Variants in TMEM132B observed in about 807,000 individuals in gnomAD.
TMEM132B encodes transmembrane protein 132B.
In TMEM132B, 18 loss-of-function variants were observed where a neutral mutation model predicts 90.8. That is an observed-to-expected ratio of 0.20 (90% CI 0.14 to 0.29). The LOEUF is 0.29. Among genes scored for constraint, TMEM132B ranks in the 10% least tolerant of loss-of-function variants. The pLI is 1.00. For synonymous variants in TMEM132B, 504 were observed against 523.3 expected, an observed-to-expected ratio of 0.96 and a Z score of 0.50; for missense variants, 1,096 against 1,326.8, an observed-to-expected ratio of 0.83 and a Z score of 2.70.
At chr12:125,468,416 G>C (rs942460866) in intron 3 of TMEM132B, among the ~76,000 whole-genome samples, 3 of 152,228 alleles carry the variant, frequency 2.0e-5, no homozygotes, top group Non-Finnish European at 4.4e-5. Context: ...TTGACGTGTG[G>C]TAATGGTAAG....
intron 3 of TMEM132B, among the ~76,000 whole-genome samples, chr12:125,439,493 T>G (rs10744207): frequency 0.55 from 83,498 of 152,032 alleles, 24,443 homozygotes; most frequent in African/African-American, 0.77. Context: ...ATGTAGGAAT[T>G]CTTGTGATTT....
chr12:125,264,783 T>C (rs1266844011), intron 1 of TMEM132B, among the ~76,000 whole-genome samples: 3 of 152,242 alleles, frequency 2.0e-5, no homozygotes, highest in Non-Finnish European at 4.4e-5. Flanking sequence ...GATTATAAAG[T>C]CCATCTGCAT....
At chr12:125,323,672 T>C (rs1028124675) in intron 1 of TMEM132B, among the ~76,000 whole-genome samples, 1 of 152,090 alleles carries the variant, frequency 6.6e-6, no homozygotes, top group African/African-American at 2.4e-5. Context: ...GTGCACACCA[T>C]GATGCCTGGC....
At chr12:125,325,719 GTC>G (rs1228859504) in intron 1 of TMEM132B, among the ~76,000 whole-genome samples, 13 of 138,646 alleles carry the variant, frequency 9.4e-5, no homozygotes, top group East Asian at 2.1e-4. Context: ...GTGTGTGTGT[GTC>G]TGTTTCTAAG....
rs1169667824 is a variant in TMEM132B, at chr12:125,312,712, TC to T, written c.68-36738del. Among the ~76,000 whole-genome samples the T allele has an allele frequency of 3.9e-5, 6 of 152,312 alleles. No homozygotes were observed. The East Asian group carries it at 7.7e-4, about 20-fold the overall frequency. ...AAAATGTACTCACCGTGAGAGCTGT[TC>T]CTACAGGTTTCACCTTGCAGAAATC... On this transcript the variant is annotated intron_variant, in intron 1 of 8. Transcript: ENST00000682704.
intron 4 of TMEM132B, among the ~76,000 whole-genome samples, chr12:125,555,009 G>T (rs958340588): frequency 2.2e-4 from 34 of 152,238 alleles, no homozygotes; most frequent in African/African-American, 7.7e-4. Flanking sequence ...AATAATGGAC[G>T]CACGACAACC....
At chr12:125,262,173 C>G (rs1874582436) in intron 1 of TMEM132B, among the ~76,000 whole-genome samples, 2 of 147,966 alleles carry the variant, frequency 1.4e-5, no homozygotes, top group South Asian at 4.2e-4. Flanking sequence ...CTTTGGGAAG[C>G]TGAGGCAGAA....
chr12:125,352,952 C>T (rs1393749765), intron 2 of TMEM132B, among the ~76,000 whole-genome samples: 1 of 152,204 alleles, frequency 6.6e-6, no homozygotes, highest in East Asian at 1.9e-4. Context: ...GGACTGAGCC[C>T]TGTGCTAGTC....
At chr12:125,430,832 A>G (rs1015594294) in intron 3 of TMEM132B, among the ~76,000 whole-genome samples, 5 of 152,198 alleles carry the variant, frequency 3.3e-5, no homozygotes, top group Non-Finnish European at 7.3e-5. Context: ...CTAACAAGAA[A>G]AATAAGGCAG....
chr12:125,374,589 G>T (rs377450114), intron 2 of TMEM132B, among the ~76,000 whole-genome samples: 48 of 152,186 alleles, frequency 3.2e-4, no homozygotes, highest in African/African-American at 1.1e-3. Flanking sequence ...TTTCAGCCAA[G>T]TCTTCCTAAT....
intron 1 of TMEM132B, among the ~76,000 whole-genome samples, chr12:125,274,895 C>G (rs531496568): frequency 6.6e-6 from 1 of 152,016 alleles, no homozygotes; most frequent in Admixed American, 6.6e-5. Context: ...TGCATTCCAG[C>G]CTGGGTGATG....
intron 8 of TMEM132B, 61 bp downstream of exon 8, chr12:125,652,693 A>C: frequency 1.3e-6 from 2 of 1,537,044 alleles, no homozygotes; most frequent in East Asian, 4.6e-5. Context: ...CTCAGTTAGC[A>C]CATCCTGCGA....
At chr12:125,306,065 G>A (rs1875951375) in intron 1 of TMEM132B, among the ~76,000 whole-genome samples, 3 of 152,216 alleles carry the variant, frequency 2.0e-5, no homozygotes, top group African/African-American at 7.2e-5. Context: ...AGGGGGCCAG[G>A]CAGGTAAGGT....
intron 3 of TMEM132B, among the ~76,000 whole-genome samples, chr12:125,437,578 A>G (rs1455684205): frequency 1.3e-5 from 2 of 151,188 alleles, no homozygotes; most frequent in Non-Finnish European, 3.0e-5. Context: ...CCATTTCTCC[A>G]CATGCTCATA....
In TMEM132B at chr12:125,415,699, G is replaced by C; in HGVS notation, c.1106+22G>C. On this transcript the variant is annotated intron_variant, in intron 3 of 8. Transcript: ENST00000682704. This position sits in a 1 kb window ranked among gnomAD's most constrained non-coding sequence, Gnocchi z 5.3. The stretch of plus-strand genomic sequence containing the variant: ...GCAGGTAAGCATGGAGATCCCCAAG[G>C]CACCTCCGCAGTGGGGAGGAGGGGA... 6.2e-7 allele frequency: 1 copy of C among 1,613,208 alleles called. No individual in the cohort carries two copies. Among genetic ancestry groups the C allele is most frequent in the Non-Finnish European group, 8.5e-7 (1 of 1,179,510 alleles).
intron 1 of TMEM132B, among the ~76,000 whole-genome samples, chr12:125,294,319 T>C (rs530356998): frequency 6.6e-6 from 1 of 152,348 alleles, no homozygotes; most frequent in South Asian, 2.1e-4. Context: ...ATTGGTTAGA[T>C]GCAACAAGCC....
intron 2 of TMEM132B, among the ~76,000 whole-genome samples, chr12:125,386,431 T>C (rs1212599019): frequency 6.6e-6 from 1 of 152,236 alleles, no homozygotes; most frequent in Non-Finnish European, 1.5e-5. Context: ...CATTGGTGTT[T>C]TATGAATTAG....
At chr12:125,327,176 C>T (rs932673111) in intron 1 of TMEM132B, among the ~76,000 whole-genome samples, 1 of 152,182 alleles carries the variant, frequency 6.6e-6, no homozygotes, top group South Asian at 2.1e-4. Flanking sequence ...CACCACCTCT[C>T]TTCTGCTGAC....
chr12:125,307,788 G>GTATACT (rs1555238333), intron 1 of TMEM132B, among the ~76,000 whole-genome samples: 64 of 81,888 alleles, frequency 7.8e-4, no homozygotes, highest in East Asian at 2.5e-3. Context: ...TATAATACAA[G>GTATACT]TATATTACAA....
Sources: allele counts gnomAD v4.1 joint callset (sites outside exome capture counted in the v4.1 genomes callset), GRCh38; gene constraint gnomAD v4.1.1; non-coding constraint Gnocchi (gnomAD v3.1); transcripts MANE v1.5; gene names NCBI Gene and HGNC (gene_info 2026-07-23, HGNC 2026-07-21).